Variants in GFRA1 observed in about 807,000 individuals in gnomAD.
GFRA1 encodes GDNF family receptor alpha-1.
A neutral mutation model predicts 51.6 loss-of-function variants in GFRA1; 16 were observed. That is an observed-to-expected ratio of 0.31 (90% CI 0.21 to 0.47). The LOEUF (loss-of-function observed/expected upper bound fraction) is 0.47. Ranked by LOEUF, GFRA1 falls within the 20% of genes least tolerant of loss-of-function variation. GFRA1 has a pLI of 1.00. For synonymous variants in GFRA1, 270 were observed against 241.3 expected (o/e 1.12, Z -1.10); for missense variants, 530 against 594.3 (o/e 0.89, Z 1.13).
chr10:116,194,896 A>G (rs1963600735), intron 5 of GFRA1, among the ~76,000 whole-genome samples: 1 of 152,208 alleles, frequency 6.6e-6, no homozygotes, highest in African/African-American at 2.4e-5. Context: ...GAAGGCAGAC[A>G]AGGAACAAGA....
intron 5 of GFRA1, among the ~76,000 whole-genome samples, chr10:116,143,065 T>C (rs1224519562): frequency 6.6e-6 from 1 of 152,208 alleles, no homozygotes; most frequent in Non-Finnish European, 1.5e-5. Context: ...GGAGCTTTAA[T>C]TGCTGCCAGT....
chr10:116,209,709 G>C (rs908536855), intron 5 of GFRA1, among the ~76,000 whole-genome samples: 1 of 152,048 alleles, frequency 6.6e-6, no homozygotes, highest in East Asian at 1.9e-4. Flanking sequence ...GGAGATCACG[G>C]TTTTAGATTC....
At chr10:116,136,955 T>C (rs1424222172) in intron 5 of GFRA1, among the ~76,000 whole-genome samples, 2 of 152,228 alleles carry the variant, frequency 1.3e-5, no homozygotes, top group Admixed American at 6.5e-5. Flanking sequence ...AAAATAATCA[T>C]TGGCTTTCCC....
chr10:116,233,548 G>C (rs1966813831), intron 4 of GFRA1, among the ~76,000 whole-genome samples: 1 of 151,962 alleles, frequency 6.6e-6, no homozygotes, highest in Non-Finnish European at 1.5e-5. Context: ...CCCTTGTTTT[G>C]AGCACCCACA....
intron 6 of GFRA1, among the ~76,000 whole-genome samples, chr10:116,111,195 G>C (rs2694807): frequency 0.94 from 143,018 of 152,288 alleles, 67,820 homozygotes; most frequent in East Asian, 1. Context: ...TTAAAACCCT[G>C]TGTTTTGCTT....
At chr10:116,232,668 G>A (rs914879194) in intron 4 of GFRA1, among the ~76,000 whole-genome samples, 1 of 152,180 alleles carries the variant, frequency 6.6e-6, no homozygotes, top group African/African-American at 2.4e-5. Context: ...AGCTTGTTCT[G>A]AAGTTTTCTG....
intron 4 of GFRA1, chr10:116,255,569 C>T (rs1968770038): frequency 7.8e-7 from 1 of 1,284,954 alleles, no homozygotes; most frequent in Non-Finnish European, 1.0e-6. Flanking sequence ...CTAGCATATT[C>T]AGTATTAATT....
chr10:116,094,339 A>G (rs1956484985), intron 7 of GFRA1, among the ~76,000 whole-genome samples: 1 of 152,152 alleles, frequency 6.6e-6, no homozygotes, highest in African/African-American at 2.4e-5. Context: ...ATACATATAT[A>G]TGGGGTCTTC....
At chr10:116,128,544 T>G (rs575478987) in intron 5 of GFRA1, among the ~76,000 whole-genome samples, 3 of 151,990 alleles carry the variant, frequency 2.0e-5, no homozygotes, top group South Asian at 2.1e-4. Flanking sequence ...ACTAACACAG[T>G]GAAACCCCGT....
At chr10:116,237,802 T>C (rs185552494) in intron 4 of GFRA1, among the ~76,000 whole-genome samples, 3 of 152,284 alleles carry the variant, frequency 2.0e-5, no homozygotes, top group Admixed American at 2.0e-4. Flanking sequence ...CATCCTAGAA[T>C]GTATGCAAGC....
chr10:116,185,395 C>T (rs1277647412), intron 5 of GFRA1, among the ~76,000 whole-genome samples: 1 of 152,098 alleles, frequency 6.6e-6, no homozygotes, highest in Non-Finnish European at 1.5e-5. Flanking sequence ...CTACATAAGA[C>T]AGCACCCCAT....
At chr10:116,255,566 A>C in intron 4 of GFRA1, 1 of 1,283,620 alleles carries the variant, frequency 7.8e-7, no homozygotes, top group Non-Finnish European at 1.0e-6. Context: ...GGACTAGCAT[A>C]TTCAGTATTA....
intron 5 of GFRA1, among the ~76,000 whole-genome samples, chr10:116,165,413 G>A (rs1466142649): frequency 6.8e-6 from 1 of 146,096 alleles, no homozygotes; most frequent in African/African-American, 2.8e-5. Flanking sequence ...ACAGGGCCAG[G>A]ATATAACTCA....
chr10:116,150,957 A>G (rs916685834), intron 5 of GFRA1, among the ~76,000 whole-genome samples: 1 of 152,132 alleles, frequency 6.6e-6, no homozygotes, highest in Admixed American at 6.6e-5. Context: ...TTCAGCCTCA[A>G]AGAGCATGTT....
chr10:116,242,657 C>A (rs1423198855), intron 4 of GFRA1, among the ~76,000 whole-genome samples: 1 of 151,812 alleles, frequency 6.6e-6, no homozygotes, highest in East Asian at 1.9e-4. Flanking sequence ...AATTTTTGTA[C>A]TTTTAGTAGA....
At chr10:116,231,482 T>C (rs1589892858) in intron 4 of GFRA1, among the ~76,000 whole-genome samples, 1 of 152,334 alleles carries the variant, frequency 6.6e-6, no homozygotes, top group South Asian at 2.1e-4. Context: ...ATTCCTAAAA[T>C]TACTTGAATC....
intron 9 of GFRA1, among the ~76,000 whole-genome samples, chr10:116,084,931 A>ATAAG (rs146645268): frequency 2.0e-5 from 3 of 152,082 alleles, no homozygotes; most frequent in African/African-American, 7.2e-5. Context: ...ACCATTTCAT[A>ATAAG]TAAGTAAGTC....
chr10:116,271,950 ACT>A lies in GFRA1; in HGVS notation c.40+38_40+39del, dbSNP rs1254310043. On this transcript the variant is annotated intron_variant, in intron 2 of 10. Coordinates refer to ENST00000355422, the MANE Select transcript of GFRA1 (RefSeq NM_005264.8). The stretch of plus-strand genomic sequence containing the variant: ...GCTGCTGCAAGCGACCCTAGGAAAG[ACT>A]CAGAGGGTAAGAAAGCCCGCGGCGG... 26 of 1,507,624 alleles carry A rather than the reference ACT, an allele frequency of 1.7e-5. No homozygotes were observed. The African/African-American group carries it at 3.2e-4, about 18-fold the overall frequency. The allele number at this position is 1,507,624 out of a possible 1,614,324, so 93.4% of individuals were successfully genotyped here.
chr10:116,169,095 G>A (rs1960776842), intron 5 of GFRA1, among the ~76,000 whole-genome samples: 4 of 152,060 alleles, frequency 2.6e-5, no homozygotes, highest in African/African-American at 9.7e-5. Flanking sequence ...ACCCCTGAAT[G>A]CTGCCTCCAA....
Sources: allele counts gnomAD v4.1 joint callset (sites outside exome capture counted in the v4.1 genomes callset), GRCh38; gene constraint gnomAD v4.1.1; transcripts MANE v1.5; gene names NCBI Gene and HGNC (gene_info 2026-07-23, HGNC 2026-07-21).